The following SLC2A9 variants were observed in gnomAD, a reference collection of about 807,000 sequenced individuals.
SLC2A9 encodes solute carrier family 2, facilitated glucose transporter member 9.
SLC2A9 carries 39 observed loss-of-function variants against 50.6 expected under a neutral mutation model. That is an observed-to-expected ratio of 0.77 (90% CI 0.60 to 1.01). SLC2A9 has a LOEUF of 1.01. Ranked by LOEUF, SLC2A9 falls within the 50% of genes least tolerant of loss-of-function variation. The pLI, the probability that SLC2A9 is intolerant of heterozygous loss-of-function variation, is 0.00. For synonymous variants in SLC2A9, 324 were observed against 276.9 expected, an observed-to-expected ratio of 1.17 and a Z score of -1.69; for missense variants, 686 against 677.6, an observed-to-expected ratio of 1.01 and a Z score of -0.14.
At chr4:9,807,537 C>T (rs1722287099) in intron 3 of SLC2A9, among the ~76,000 whole-genome samples, 1 of 152,198 alleles carries the variant, frequency 6.6e-6, no homozygotes, top group Non-Finnish European at 1.5e-5. Flanking sequence ...TGTTCCATAG[C>T]TGGGCCAGGC....
chr4:9,927,547 C>T (rs180967062), intron 6 of SLC2A9, among the ~76,000 whole-genome samples: 1 of 152,284 alleles, frequency 6.6e-6, no homozygotes, highest in Admixed American at 6.5e-5. Context: ...GCTTGTTCTC[C>T]CTTACACAGG....
intron 1 of SLC2A9, among the ~76,000 whole-genome samples, chr4:9,773,490 A>G (rs1717116169): frequency 6.6e-6 from 1 of 152,238 alleles, no homozygotes. Context: ...CATCTTCAGA[A>G]GAAGGAGGGT....
At chr4:10,013,066 G>A (rs947448630) in intron 2 of SLC2A9, among the ~76,000 whole-genome samples, 2 of 152,206 alleles carry the variant, frequency 1.3e-5, no homozygotes, top group African/African-American at 4.8e-5. Context: ...CCTAGCTACT[G>A]TGGTGTTCAT....
At chr4:9,909,211 G>A (rs902296649) in intron 7 of SLC2A9, among the ~76,000 whole-genome samples, 4 of 152,214 alleles carry the variant, frequency 2.6e-5, no homozygotes, top group Admixed American at 1.3e-4. Context: ...GGACCAGGAA[G>A]TTAGAAAGAG....
chr4:10,031,960 G>A (rs1489155812), intron 1 of SLC2A9, among the ~76,000 whole-genome samples: 2 of 152,198 alleles, frequency 1.3e-5, no homozygotes, highest in East Asian at 1.9e-4. Flanking sequence ...AAAACAGGGC[G>A]CTGGAAAGGA....
intron 10 of SLC2A9, among the ~76,000 whole-genome samples, chr4:9,838,498 A>G (rs1317145342): frequency 6.6e-6 from 1 of 152,224 alleles, no homozygotes; most frequent in African/African-American, 2.4e-5. Context: ...GAGCCATAAA[A>G]AACCGTTTTA....
upstream of SLC2A9, among the ~76,000 whole-genome samples, chr4:10,021,842 CTTT>C (rs57844352): frequency 2.5e-4 from 34 of 136,880 alleles, no homozygotes; most frequent in Admixed American, 3.7e-4. Context: ...GACTCTTCCA[CTTT>C]TTTTTTTTTT....
chr4:9,829,285 T>C (rs980675221), intron 11 of SLC2A9, among the ~76,000 whole-genome samples: 2 of 152,114 alleles, frequency 1.3e-5, no homozygotes, highest in African/African-American at 4.8e-5. Flanking sequence ...TCGCCTGTTA[T>C]CCCAGCTACT....
chr4:9,978,174 A>G (rs527602793), intron 5 of SLC2A9, among the ~76,000 whole-genome samples: 12 of 152,292 alleles, frequency 7.9e-5, no homozygotes, highest in Admixed American at 7.2e-4. Flanking sequence ...TGGGTCAGAG[A>G]GGTGAGTCGA....
rs118034359 is a variant in SLC2A9 at position 9,898,643 on chromosome 4, C to T, written c.1114-7932G>A. Reference sequence around the variant, plus strand: ...CCATTCTCTGTGTCCAACTCCAGGCCGGGGCCTTTTTAAATTCTTCTGATT... The same window carrying T: ...CCATTCTCTGTGTCCAACTCCAGGCTGGGGCCTTTTTAAATTCTTCTGATT... On this transcript the variant is annotated intron_variant, in intron 8 of 11. Coordinates refer to ENST00000264784, the MANE Select transcript of SLC2A9 (RefSeq NM_020041.3). 9.3e-4 allele frequency among the ~76,000 whole-genome samples: 141 copies of T among 152,306 alleles called. No individual in the cohort carries two copies. The East Asian group carries it at 0.015, about 16-fold the overall frequency.
intron 5 of SLC2A9, among the ~76,000 whole-genome samples, chr4:9,957,430 T>C (rs1310032566): frequency 6.6e-6 from 1 of 152,130 alleles, no homozygotes; most frequent in East Asian, 1.9e-4. Flanking sequence ...CACCTTCTTT[T>C]TAAATATGAA....
intron 1 of SLC2A9, among the ~76,000 whole-genome samples, chr4:9,772,773 C>T (rs2108816126): frequency 6.6e-6 from 1 of 152,240 alleles, no homozygotes; most frequent in East Asian, 1.9e-4. Flanking sequence ...CTCATTTACC[C>T]ATGATATCTC....
intron 2 of SLC2A9, among the ~76,000 whole-genome samples, chr4:10,012,784 A>C (rs1446544086): frequency 6.6e-6 from 1 of 152,074 alleles, no homozygotes; most frequent in East Asian, 1.9e-4. Context: ...AGTGGGGAGA[A>C]GTTTGTGTAA....
rs751830680 is a variant in SLC2A9, at chr4:9,826,469, C to T, written c.1551G>A (p.Arg517=). 2.5e-6 allele frequency: 4 copies of T among 1,602,192 alleles called. No individual in the cohort carries two copies. In the African/African-American group the frequency reaches 4.0e-5, roughly 16 times the overall value. ...TCTCTTCTGGTGGGTATGCTTTGTT[C>T]CTTTTGGAAAATGCCTGGCTGATTT... The part of the protein sequence containing the change: ...YAEISQAFSK[R]NKAYPPEEKI... Residue 517 remains arginine (R), a synonymous_variant, in exon 12 of 12, where the codon AGG becomes AGA. Coordinates refer to ENST00000264784, the MANE Select transcript of SLC2A9 (RefSeq NM_020041.3).
At chr4:9,976,995 C>A (rs1754912031) in intron 5 of SLC2A9, among the ~76,000 whole-genome samples, 1 of 152,166 alleles carries the variant, frequency 6.6e-6, no homozygotes, top group Non-Finnish European at 1.5e-5. Context: ...TCTGGGACAC[C>A]ACATCCCATC....
rs144402103 is a variant in SLC2A9, at chr4:10,027,846, A to G, written c.-40-1840T>C. 5.2e-3 allele frequency among the ~76,000 whole-genome samples: 792 copies of G among 152,252 alleles called. 7 individuals are homozygous for G. The highest frequency in any genetic ancestry group is 0.02 in the Middle Eastern group (6 of 294). ...CCTTACATCTTTATCTTTACACTAGAAGCATTCAAATTCTCCTCTTGTAGG... is the reference window on the plus strand; with the variant it reads ...CCTTACATCTTTATCTTTACACTAGGAGCATTCAAATTCTCCTCTTGTAGG... On this transcript the variant is annotated intron_variant, in intron 1 of 12. Coordinates refer to the SLC2A9 transcript ENST00000309065.
chr4:9,932,373 C>T (rs1014895511), intron 6 of SLC2A9, among the ~76,000 whole-genome samples: 3 of 152,096 alleles, frequency 2.0e-5, no homozygotes, highest in African/African-American at 7.2e-5. Flanking sequence ...GCTGGGGTTT[C>T]AGCAATAAGT....
chr4:9,931,230 A>G (rs565506154), intron 6 of SLC2A9, among the ~76,000 whole-genome samples: 1 of 152,300 alleles, frequency 6.6e-6, no homozygotes, highest in East Asian at 1.9e-4. Context: ...CTTCAATTTG[A>G]AAGTAAGAGG....
intron 7 of SLC2A9, among the ~76,000 whole-genome samples, chr4:9,912,477 T>C (rs2110020927): frequency 6.6e-6 from 1 of 152,246 alleles, no homozygotes; most frequent in East Asian, 1.9e-4. Flanking sequence ...CTGCCCTTAA[T>C]GCCCTGAAGC....
Sources: allele counts gnomAD v4.1 joint callset (sites outside exome capture counted in the v4.1 genomes callset), GRCh38; gene constraint gnomAD v4.1.1; transcripts MANE v1.5; gene names NCBI Gene and HGNC (gene_info 2026-07-23, HGNC 2026-07-21).